Variants in ACVR1B observed in about 807,000 individuals in gnomAD.
The protein encoded by ACVR1B is activin receptor type-1B.
Under a neutral mutation model 55.6 loss-of-function variants are expected in ACVR1B, and 15 were observed. The ratio of observed to expected loss-of-function variants is 0.27; its 90% confidence interval spans 0.18 to 0.42. The LOEUF (loss-of-function observed/expected upper bound fraction) is 0.42, where lower values mean the gene tolerates loss of function less well. Among genes scored for constraint, ACVR1B ranks in the 10% least tolerant of loss-of-function variants. ACVR1B has a pLI of 1.00. For missense variants in ACVR1B, 359 were observed against 670.1 expected, an observed-to-expected ratio of 0.54 and a Z score of 5.13; for synonymous variants, 247 against 254.6, an observed-to-expected ratio of 0.97 and a Z score of 0.28.
chr12:51,985,089 G>T (rs992615135), intron 5 of ACVR1B, 103 bp from the exon 6 acceptor site: 11 of 1,226,010 alleles, frequency 9.0e-6, no homozygotes, highest in East Asian at 2.8e-5. Flanking sequence ...GGATTAGCAG[G>T]AGGCAAAGCC....
chr12:51,971,436 T>C (rs1941744655), intron 1 of ACVR1B, among the ~76,000 whole-genome samples: 2 of 152,234 alleles, frequency 1.3e-5, no homozygotes, highest in South Asian at 4.1e-4. Flanking sequence ...GATTTGGTTT[T>C]CCGAGTTGTG....
At position 51,994,179 on chromosome 12, in the gene ACVR1B, A is replaced by G; in HGVS notation, c.*69A>G. The G allele has an allele frequency of 6.3e-7, 1 of 1,578,922 alleles. No homozygotes were observed. The highest frequency in any genetic ancestry group is 1.1e-5 in the South Asian group (1 of 87,704). On this transcript the variant is annotated 3_prime_UTR_variant, in exon 9 of 9. Coordinates refer to ENST00000257963, the MANE Select transcript of ACVR1B (RefSeq NM_004302.5). The surrounding 1 kb of genome is among the most constrained non-coding windows in gnomAD (Gnocchi z 4.2). The stretch of plus-strand genomic sequence containing the variant: ...GCACAGCTGCCGCGTTGAGCGTACG[A>G]TGGAGGCCTACCTCTCGTTTCTGCC...
chr12:51,990,643 A>G (rs1296868268), intron 7 of ACVR1B, among the ~76,000 whole-genome samples: 1 of 152,124 alleles, frequency 6.6e-6, no homozygotes, highest in African/African-American at 2.4e-5. Flanking sequence ...ACATCTAGTC[A>G]GTGTTGAGAT....
intron 8 of ACVR1B, among the ~76,000 whole-genome samples, chr12:51,992,497 T>A (rs1411697413): frequency 6.6e-6 from 1 of 152,194 alleles, no homozygotes; most frequent in Non-Finnish European, 1.5e-5. Flanking sequence ...CAAGACCCTG[T>A]CTCATAAAAG....
chr12:51,961,394 T>A (rs183207894), intron 1 of ACVR1B, among the ~76,000 whole-genome samples: 1 of 152,336 alleles, frequency 6.6e-6, no homozygotes, highest in Admixed American at 6.5e-5. Context: ...ATCTTGTATA[T>A]ATAGTATTTT....
At chr12:51,986,297 T>C (rs1942074751) in intron 6 of ACVR1B, among the ~76,000 whole-genome samples, 1 of 152,224 alleles carries the variant, frequency 6.6e-6, no homozygotes, top group Non-Finnish European at 1.5e-5. Flanking sequence ...TCGCTCTTGT[T>C]GCCCAAGCTG....
chr12:51,985,160 T>A (rs749872425), intron 5 of ACVR1B, 32 bp from the exon 6 acceptor site: 3 of 1,587,324 alleles, frequency 1.9e-6, no homozygotes, highest in South Asian at 2.3e-5. Flanking sequence ...ATATCATCTC[T>A]TTGTAAAGAT....
chr12:51,958,479 C>T (rs1337010035), intron 1 of ACVR1B, among the ~76,000 whole-genome samples: 1 of 151,958 alleles, frequency 6.6e-6, no homozygotes, highest in Non-Finnish European at 1.5e-5. Context: ...CCCATCTCTA[C>T]TGAAAATAAA....
At chr12:51,962,820 G>A (rs1941561587) in intron 1 of ACVR1B, among the ~76,000 whole-genome samples, 1 of 152,220 alleles carries the variant, frequency 6.6e-6, no homozygotes, top group Admixed American at 6.5e-5. Context: ...AGTAAAAGCT[G>A]AGCAACTCTG....
At chr12:51,982,458 G>A (rs914402616) in intron 4 of ACVR1B, among the ~76,000 whole-genome samples, 2 of 152,160 alleles carry the variant, frequency 1.3e-5, no homozygotes, top group African/African-American at 4.8e-5. Flanking sequence ...ATAAGAGCAA[G>A]ACACAGTCCC....
At chr12:51,987,206 GT>G in intron 7 of ACVR1B, 2 of 672,062 alleles carry the variant, frequency 3.0e-6, no homozygotes, top group Admixed American at 2.3e-5. Flanking sequence ...AACAAACATT[GT>G]TTTATTAGTC....
intron 3 of ACVR1B, among the ~76,000 whole-genome samples, chr12:51,977,458 G>A (rs1592253803): frequency 6.6e-6 from 1 of 151,936 alleles, no homozygotes; most frequent in Non-Finnish European, 1.5e-5. Context: ...CCACCACAGC[G>A]ACTAATTTTT....
intron 1 of ACVR1B, among the ~76,000 whole-genome samples, chr12:51,972,455 A>C (rs1207290610): frequency 6.6e-6 from 1 of 152,196 alleles, no homozygotes; most frequent in Non-Finnish European, 1.5e-5. Context: ...GTACAGTTAC[A>C]TACTGTACAG....
In ACVR1B at chr12:51,994,013, G is replaced by A. The variant is rs1003358189; in HGVS notation, c.1421G>A (p.Arg474Gln). ...EALRVMGKMM[R>Q]ECWYANGAAR... is the part of the protein sequence containing the mutation. ...CTGCGGGTGATGGGGAAGATGATGC[G>A]AGAGTGTTGGTATGCCAACGGCGCA... Residue 474 changes from arginine to glutamine, a missense_variant, in exon 9 of 9, where the codon CGA becomes CAA. By Grantham distance (43) the Arg-to-Gln change is conservative. This residue lies in a region of ACVR1B where 53 missense variants were observed against 78.5 expected (regional missense o/e 0.68). Coordinates refer to ENST00000257963, the MANE Select transcript of ACVR1B (RefSeq NM_004302.5). This position sits in a 1 kb window ranked among gnomAD's most constrained non-coding sequence, Gnocchi z 4.2. 3.7e-6 allele frequency: 6 copies of A among 1,613,992 alleles called. No individual in the cohort carries two copies. Among genetic ancestry groups the A allele is most frequent in the South Asian group, 1.1e-5 (1 of 91,086 alleles).
rs1225326901 is a variant in ACVR1B, at chr12:51,994,979, C to G, written c.*869C>G. 1 of 152,748 alleles carries G rather than the reference C, an allele frequency of 6.5e-6. No individual in the cohort carries two copies. Among genetic ancestry groups the G allele is most frequent in the Non-Finnish European group, 1.5e-5 (1 of 68,144 alleles). The allele number at this position is 152,748 out of a possible 1,614,324, so 9.5% of individuals were successfully genotyped here. On this transcript the variant is annotated 3_prime_UTR_variant, in exon 9 of 9. Coordinates refer to ENST00000257963, the MANE Select transcript of ACVR1B (RefSeq NM_004302.5). This position sits in a 1 kb window ranked among gnomAD's most constrained non-coding sequence, Gnocchi z 4.2. ...TCAGCACAGCTCTCCTCCTCCATCT[C>G]AGACTGTGGAACCAAAGCTGGCCCA...
At chr12:51,970,858 C>T (rs571138932) in intron 1 of ACVR1B, among the ~76,000 whole-genome samples, 1 of 152,260 alleles carries the variant, frequency 6.6e-6, no homozygotes, top group East Asian at 1.9e-4. Context: ...TTATTATTCC[C>T]AAGTAGTAAT....
chr12:51,978,554 G>C (rs972227849), intron 3 of ACVR1B, among the ~76,000 whole-genome samples: 14 of 152,178 alleles, frequency 9.2e-5, no homozygotes, highest in Non-Finnish European at 1.8e-4. Context: ...ACCCGGCCAG[G>C]CGCGGTGGCT....
chr12:51,972,175 G>C (rs1941757319), intron 1 of ACVR1B, among the ~76,000 whole-genome samples: 1 of 152,194 alleles, frequency 6.6e-6, no homozygotes, highest in African/African-American at 2.4e-5. Flanking sequence ...AGGAAGCTGA[G>C]GCTGGAGGAT....
chr12:51,976,528 C>T lies in ACVR1B; in HGVS notation c.533C>T (p.Thr178Met), dbSNP rs539360377. The T allele has an allele frequency of 8.7e-6, 14 of 1,614,016 alleles. No homozygotes were observed. The highest frequency in any genetic ancestry group is 5.3e-5 in the African/African-American group (4 of 75,028). ...SCEMCLSKDK[T>M]LQDLVYDLST... ...GAGATGTGTCTCTCCAAAGACAAGA[C>T]GCTCCAGGATCTTGTCTACGATCTC... Residue 178 changes from threonine (T) to methionine (M), a missense_variant, in exon 3 of 9, where the codon ACG (threonine) becomes ATG (methionine). This residue lies in a region of ACVR1B where 133 missense variants were observed against 188.2 expected (regional missense o/e 0.71). Transcript: ENST00000257963.
Sources: allele counts gnomAD v4.1 joint callset (sites outside exome capture counted in the v4.1 genomes callset), GRCh38; gene constraint gnomAD v4.1.1; regional missense constraint gnomAD v4.1.1; non-coding constraint Gnocchi (gnomAD v3.1); transcripts MANE v1.5; gene names NCBI Gene and HGNC (gene_info 2026-07-23, HGNC 2026-07-21).